Variants in MATN4 observed in about 807,000 individuals in gnomAD.
The protein encoded by MATN4 is matrilin-4.
In MATN4, 40 loss-of-function variants were observed where a neutral mutation model predicts 54.6. The ratio of observed to expected loss-of-function variants is 0.73; its 90% CI spans 0.57 to 0.95. The LOEUF (loss-of-function observed/expected upper bound fraction) is 0.95. Among genes scored for constraint, MATN4 ranks in the 40% least tolerant of loss-of-function variants. The pLI is 0.00. For missense variants in MATN4, 810 were observed against 819.1 expected (o/e 0.99, Z 0.13); for synonymous variants, 351 against 345.3 (o/e 1.02, Z -0.18).
chr20:45,300,263 G>C (rs1986141184), intron 6 of MATN4, among the ~76,000 whole-genome samples: 1 of 152,136 alleles, frequency 6.6e-6, no homozygotes, highest in Admixed American at 6.6e-5. Flanking sequence ...GATCTGGGGA[G>C]ATCCTGACAC....
At chr20:45,302,013 T>G (rs1240702318) in intron 3 of MATN4, among the ~76,000 whole-genome samples, 7 of 152,072 alleles carry the variant, frequency 4.6e-5, no homozygotes. Context: ...TTTTCGTGTG[T>G]GTGTGCACGC....
intron 8 of MATN4, among the ~76,000 whole-genome samples, chr20:45,296,650 C>G (rs553491280): frequency 6.6e-6 from 1 of 152,142 alleles, no homozygotes; most frequent in South Asian, 2.1e-4. Flanking sequence ...TCCAAAGTCA[C>G]ACTGCAGGGC....
chr20:45,295,939 G>A (rs1985789187), intron 8 of MATN4, among the ~76,000 whole-genome samples: 1 of 152,100 alleles, frequency 6.6e-6, no homozygotes, highest in Non-Finnish European at 1.5e-5. Flanking sequence ...AGGGAGGCCA[G>A]GTGCTGTGGC....
rs143265838 is a variant in MATN4 at position 45,304,092 on chromosome 20, G to A, written c.643+136C>T. ...GTGGTCAGAGCTGAAATCTGACACA[G>A]CCTGCGGTAGGTCAGGGCAACTCTA... is the stretch of plus-strand genomic sequence containing the variant. On this transcript the variant is annotated intron_variant, in intron 3 of 9. Coordinates refer to ENST00000372756, the MANE Select transcript of MATN4 (RefSeq NM_001393530.1). 487 of 659,154 alleles carry A rather than the reference G, an allele frequency of 7.4e-4. No homozygotes were observed. The African/African-American group carries it at 8.7e-3, about 12-fold the overall frequency. 40.8% of individuals were successfully genotyped at this position (659,154 alleles called of 1,614,324 possible). A position where few individuals can be genotyped will look rare whatever the true frequency, so the allele number is the denominator to read the frequency against.
rs774604071 is a variant in MATN4, at chr20:45,301,416, T to C, written c.671A>G (p.His224Arg). The C allele has an allele frequency of 1.4e-5, 23 of 1,613,928 alleles. No individual in the cohort carries two copies. Among genetic ancestry groups the C allele is most frequent in the Non-Finnish European group, 1.9e-5 (23 of 1,180,018 alleles). Residue 224 changes from histidine to arginine, a missense_variant, in exon 4 of 10, where the codon CAT becomes CGT. Transcript: ENST00000372756. ...CAIDLCAEGT[H>R]GCEHHCVNSP... ...ATTGACGCAGTGGTGCTCACATCCA[T>C]GGGTCCCTTCAGCACACAGATCAAT...
rs1173245719 is a variant in MATN4 at position 45,293,872 on chromosome 20, T to C, written c.1687+36A>G. 3.1e-6 allele frequency: 5 copies of C among 1,607,604 alleles called. No individual in the cohort carries two copies. In the African/African-American group the frequency reaches 4.0e-5, roughly 13 times the overall value. ...TGGGGTTCGCCGAGGTCCCTTCACT[T>C]TCCCTCCAGCCCGCGCCACCAGCCC... On this transcript the variant is annotated intron_variant, in intron 9 of 9. Transcript: ENST00000372756.
rs1166663240 is a variant in MATN4, at chr20:45,306,795, G to C, written c.-34-1179C>G. 5 of 718,522 alleles carry C rather than the reference G, an allele frequency of 7.0e-6. No homozygotes were observed. The East Asian group carries it at 1.7e-4, about 24-fold the overall frequency. The allele number at this position is 718,522 out of a possible 1,614,324, so 44.5% of individuals were successfully genotyped here. A position where few individuals can be genotyped will look rare whatever the true frequency, so the allele number is the denominator to read the frequency against. On this transcript the variant is annotated intron_variant, in intron 1 of 9. Coordinates refer to ENST00000372756, the MANE Select transcript of MATN4 (RefSeq NM_001393530.1). ...GGGGGCCGGGGCCCGGGGCCTTGGA[G>C]ATAAGGCCTGGACAGGATATAACCC... is the stretch of plus-strand genomic sequence containing the variant.
intron 6 of MATN4, among the ~76,000 whole-genome samples, chr20:45,299,233 G>A (rs760099728): frequency 9.9e-5 from 15 of 152,190 alleles, no homozygotes; most frequent in Admixed American, 3.9e-4. Context: ...GTGTGTTGGC[G>A]TGGGGAGGTT....
chr20:45,293,692 C>T lies in MATN4; in HGVS notation c.*75G>A. 5.8e-6 allele frequency: 8 copies of T among 1,390,812 alleles called. 1 individual carries two copies. The South Asian group carries it at 6.8e-5, about 12-fold the overall frequency. 86.2% of individuals were successfully genotyped at this position (1,390,812 alleles called of 1,614,324 possible). On this transcript the variant is annotated 3_prime_UTR_variant, in exon 10 of 10. Coordinates refer to ENST00000372756, the MANE Select transcript of MATN4 (RefSeq NM_001393530.1). ...GACGGGCCCAGGTTCTGCCTGGCCCCGGCGCACCGATGGCGCGCAAGGGGC... is the reference window on the plus strand; with the variant it reads ...GACGGGCCCAGGTTCTGCCTGGCCCTGGCGCACCGATGGCGCGCAAGGGGC...
chr20:45,301,556 A>T, intron 3 of MATN4, 113 bp from the exon 4 acceptor site: 2 of 1,120,948 alleles, frequency 1.8e-6, no homozygotes, highest in Non-Finnish European at 2.5e-6. Context: ...AACCCCAAAA[A>T]TCCTGACCTA....
intron 6 of MATN4, among the ~76,000 whole-genome samples, chr20:45,300,027 G>A (rs1333221730): frequency 6.6e-6 from 1 of 151,630 alleles, no homozygotes; most frequent in African/African-American, 2.4e-5. Context: ...TTTGAAAGGT[G>A]TGCCATCTAA....
chr20:45,300,953 C>A lies in MATN4; in HGVS notation c.946G>T (p.Gly316Cys). 6.2e-7 allele frequency: 1 copy of A among 1,614,072 alleles called. No homozygotes were observed. The highest frequency in any genetic ancestry group is 8.5e-7 in the Non-Finnish European group (1 of 1,180,028). Residue 316 changes from glycine (G) to cysteine (C), a missense_variant, in exon 6 of 10, where the codon GGC becomes TGC. Physicochemically the swap from Gly to Cys is radical, Grantham distance 159 (BLOSUM62 -3). Coordinates refer to ENST00000372756, the MANE Select transcript of MATN4 (RefSeq NM_001393530.1). ...HGCEFQCVSE[G>C]LSYRCLCPEG... Reference sequence around the variant, plus strand: ...GGGCACAGGCAGCGGTAGGAGAGGCCCTCGCTCACACACTGGAACTCACAG... The same window carrying A: ...GGGCACAGGCAGCGGTAGGAGAGGCACTCGCTCACACACTGGAACTCACAG...
rs1008292193 is a variant in MATN4 at position 45,301,087 on chromosome 20, G to A, written c.889+15C>T. On this transcript the variant is annotated intron_variant, in intron 5 of 9. Transcript: ENST00000372756. ...TCTCTTACCCCTCCCACAAATGTAG[G>A]AGAGCCCTCCTCACCCTGACAGCTC... 1 of 1,613,990 alleles carries A rather than the reference G, an allele frequency of 6.2e-7. No individual in the cohort carries two copies. Among genetic ancestry groups the A allele is most frequent in the African/African-American group, 1.3e-5 (1 of 74,934 alleles).
At chr20:45,307,908 G>A (rs1986874389) in intron 1 of MATN4, among the ~76,000 whole-genome samples, 1 of 152,130 alleles carries the variant, frequency 6.6e-6, no homozygotes. Context: ...CAGCAAGGGA[G>A]GAGAGGCCTG....
Position 45,306,912 on chromosome 20 carries a change from G to A in MATN4, c.-35+1263C>T. 3 of 1,256,014 alleles carry A rather than the reference G, an allele frequency of 2.4e-6. No individual in the cohort carries two copies. The South Asian group carries it at 1.1e-4, about 48-fold the overall frequency. The allele number at this position is 1,256,014 out of a possible 1,614,324, so 77.8% of individuals were successfully genotyped here. On this transcript the variant is annotated intron_variant, in intron 1 of 9. Coordinates refer to ENST00000372756, the MANE Select transcript of MATN4 (RefSeq NM_001393530.1). ...GCGGCGGGTGAGCGGCTGGGGCCCC[G>A]TGGAGCCACCATGGACCCCGCAGGG...
At chr20:45,304,843 C>A in intron 2 of MATN4, 46 bp from the exon 3 acceptor site, 1 of 1,307,762 alleles carries the variant, frequency 7.6e-7, no homozygotes, top group South Asian at 1.4e-5. Flanking sequence ...CAAAGCCTCA[C>A]CTCCGAGGAG....
chr20:45,296,076 G>A (rs760214054), intron 8 of MATN4, among the ~76,000 whole-genome samples: 20 of 151,732 alleles, frequency 1.3e-4, no homozygotes, highest in East Asian at 9.7e-4. Context: ...TTAGCCGGGC[G>A]TGGTGGCATG....
intron 8 of MATN4, among the ~76,000 whole-genome samples, chr20:45,295,263 G>A (rs550288049): frequency 5.3e-5 from 8 of 152,198 alleles, no homozygotes; most frequent in Non-Finnish European, 8.8e-5. Flanking sequence ...AACTAGACCA[G>A]TGATTCTCAA....
chr20:45,300,619 C>T (rs950572033), intron 6 of MATN4, among the ~76,000 whole-genome samples: 1 of 151,972 alleles, frequency 6.6e-6, no homozygotes, highest in Non-Finnish European at 1.5e-5. Flanking sequence ...TGATCTTTCT[C>T]CTGTAGTCAT....
Sources: allele counts gnomAD v4.1 joint callset (sites outside exome capture counted in the v4.1 genomes callset), GRCh38; gene constraint gnomAD v4.1.1; transcripts MANE v1.5; gene names NCBI Gene and HGNC (gene_info 2026-07-23, HGNC 2026-07-21).